The following PTPRG variants were observed in gnomAD, a reference collection of about 807,000 sequenced individuals.
PTPRG encodes the protein receptor-type tyrosine-protein phosphatase gamma.
Under a neutral mutation model 165.3 loss-of-function variants are expected in PTPRG, and 102 were observed. That is an observed-to-expected ratio of 0.62 (90% CI 0.53 to 0.73). The LOEUF (loss-of-function observed/expected upper bound fraction) is 0.73. PTPRG is among the 30% of genes least tolerant of loss of function. The pLI is 0.00. For missense variants in PTPRG, 1,866 were observed against 1,861.4 expected, an observed-to-expected ratio of 1.00 and a Z score of -0.05; for synonymous variants, 675 against 669.5, an observed-to-expected ratio of 1.01 and a Z score of -0.13.
At position 61,657,643 on chromosome 3, in the gene PTPRG, G is replaced by C. The variant is rs1336796712; in HGVS notation, c.86-91235G>C. 2.0e-5 allele frequency among the ~76,000 whole-genome samples: 3 copies of C among 152,114 alleles called. No homozygotes were observed. In the East Asian group the frequency reaches 5.8e-4, roughly 29 times the overall value. On this transcript the variant is annotated intron_variant, in intron 1 of 29. Coordinates refer to ENST00000474889, the MANE Select transcript of PTPRG (RefSeq NM_002841.4). ...TTGATTTGTTTTCTTGGGATTCATTGTGCCCTAGTGTCTCCTGTATGTGCC... is the reference window on the plus strand; with the variant it reads ...TTGATTTGTTTTCTTGGGATTCATTCTGCCCTAGTGTCTCCTGTATGTGCC...
chr3:61,731,546 A>G (rs1406347161), intron 1 of PTPRG, among the ~76,000 whole-genome samples: 4 of 151,762 alleles, frequency 2.6e-5, no homozygotes, highest in Non-Finnish European at 5.9e-5. Context: ...ACAGGGTTTC[A>G]CCATGTTGGC....
chr3:62,096,063 A>G (rs1311718998), intron 5 of PTPRG, among the ~76,000 whole-genome samples: 2 of 152,232 alleles, frequency 1.3e-5, no homozygotes, highest in East Asian at 3.8e-4. Context: ...GATAAGGAGC[A>G]CTACCGAGAG....
chr3:61,743,295 C>A, intron 1 of PTPRG, among the ~76,000 whole-genome samples: 1 of 152,178 alleles, frequency 6.6e-6, no homozygotes, highest in East Asian at 1.9e-4. Flanking sequence ...ACTTAAGATT[C>A]CTCCTGCTGA....
chr3:62,136,806 C>T (rs1703725529), intron 6 of PTPRG, among the ~76,000 whole-genome samples: 2 of 152,176 alleles, frequency 1.3e-5, no homozygotes, highest in South Asian at 2.1e-4. Context: ...TGAGGCCTCC[C>T]CAGTCACGTG....
intron 14 of PTPRG, 101 bp from the exon 15 acceptor site, chr3:62,243,706 G>GATCT: frequency 1.4e-6 from 1 of 718,574 alleles, no homozygotes; most frequent in South Asian, 2.1e-5. Context: ...AGTGCTGTGT[G>GATCT]ATGTTTAAAG....
intron 2 of PTPRG, among the ~76,000 whole-genome samples, chr3:61,784,260 C>A (rs1272673872): frequency 6.6e-6 from 1 of 152,108 alleles, no homozygotes; most frequent in Non-Finnish European, 1.5e-5. Context: ...AGGCTACATG[C>A]TGAGTGGCAG....
intron 8 of PTPRG, among the ~76,000 whole-genome samples, chr3:62,171,999 G>A (rs894595470): frequency 3.9e-5 from 6 of 152,118 alleles, no homozygotes; most frequent in Non-Finnish European, 8.8e-5. Context: ...TTTTATGCAA[G>A]TGGATCATAT....
At chr3:61,747,232 G>C (rs1275853794) in intron 1 of PTPRG, among the ~76,000 whole-genome samples, 1 of 152,166 alleles carries the variant, frequency 6.6e-6, no homozygotes, top group Non-Finnish European at 1.5e-5. Context: ...GCATTTTTAG[G>C]TCCATTTTAC....
At chr3:61,706,178 A>C (rs2031241288) in intron 1 of PTPRG, among the ~76,000 whole-genome samples, 1 of 152,118 alleles carries the variant, frequency 6.6e-6, no homozygotes, top group Non-Finnish European at 1.5e-5. Context: ...CTATCACTAA[A>C]AAAAGAAAAA....
chr3:62,254,032 G>A lies in PTPRG; in HGVS notation c.2468-1092G>A, dbSNP rs548173240. ...AGCCACCCTAGAGCTTTGCTCTCTC[G>A]AAAGAAAGAAGGAATGACATAGTCA... On this transcript the variant is annotated intron_variant, in intron 15 of 29. Transcript: ENST00000474889. The surrounding 1 kb of genome is among the most constrained non-coding windows in gnomAD (Gnocchi z 4.6). Among the ~76,000 whole-genome samples the A allele has an allele frequency of 4.6e-5, 7 of 152,254 alleles. No individual in the cohort carries two copies. The highest frequency in any genetic ancestry group is 2.1e-4 in the South Asian group (1 of 4,828).
intron 3 of PTPRG, among the ~76,000 whole-genome samples, chr3:61,991,190 A>G (rs977339511): frequency 4.6e-5 from 7 of 152,148 alleles, no homozygotes; most frequent in African/African-American, 1.7e-4. Context: ...TGGTGATCCA[A>G]TAATGTTATT....
At chr3:61,596,392 G>C (rs978706253) in intron 1 of PTPRG, among the ~76,000 whole-genome samples, 4 of 152,174 alleles carry the variant, frequency 2.6e-5, no homozygotes, top group African/African-American at 9.7e-5. Context: ...GAGAAAAACA[G>C]ATTTCACTAG....
chr3:61,567,725 G>A (rs1278778828), intron 1 of PTPRG, among the ~76,000 whole-genome samples: 3 of 150,124 alleles, frequency 2.0e-5, no homozygotes, highest in African/African-American at 4.9e-5. Flanking sequence ...GCTCATGCCT[G>A]TCATCTCAGC....
intron 1 of PTPRG, chr3:61,743,109 C>T (rs1293795833): frequency 4.2e-6 from 6 of 1,430,596 alleles, no homozygotes; most frequent in Non-Finnish European, 3.9e-6. Flanking sequence ...CTGCTCATGG[C>T]TTCTCACGCC....
At chr3:62,181,457 C>A (rs1477041359) in intron 8 of PTPRG, among the ~76,000 whole-genome samples, 1 of 151,980 alleles carries the variant, frequency 6.6e-6, no homozygotes, top group African/African-American at 2.4e-5. Flanking sequence ...TTTCCTCTTT[C>A]CTCTATAAAC....
intron 2 of PTPRG, chr3:61,925,967 C>G (rs1575791491): frequency 2.1e-6 from 1 of 467,676 alleles, no homozygotes; most frequent in African/African-American, 2.0e-5. Flanking sequence ...GGTTCTCTGA[C>G]CAGCAGCACC....
chr3:62,001,032 A>G (rs970246994), intron 3 of PTPRG, among the ~76,000 whole-genome samples: 1 of 152,252 alleles, frequency 6.6e-6, no homozygotes, highest in African/African-American at 2.4e-5. Flanking sequence ...ATGGAATTCC[A>G]ACATGTCTTG....
At chr3:61,872,538 T>C (rs1417281513) in intron 2 of PTPRG, among the ~76,000 whole-genome samples, 1 of 152,186 alleles carries the variant, frequency 6.6e-6, no homozygotes, top group Non-Finnish European at 1.5e-5. Flanking sequence ...GGCTTGCCGA[T>C]GCAATAAGAT....
chr3:62,002,489 T>G (rs1163941816), intron 3 of PTPRG, among the ~76,000 whole-genome samples: 4 of 152,212 alleles, frequency 2.6e-5, no homozygotes, highest in African/African-American at 9.6e-5. Context: ...ATAGAATTTG[T>G]TTTTTATGCA....
Sources: gnomAD v4.1 joint callset for allele counts (sites outside exome capture counted in the v4.1 genomes callset) on GRCh38, gnomAD v4.1.1 for gene constraint, Gnocchi (gnomAD v3.1) non-coding constraint, MANE v1.5 for transcripts, NCBI Gene and HGNC (gene_info 2026-07-23, HGNC 2026-07-21) for gene names.